Variants in DSE observed in about 807,000 individuals in gnomAD.
DSE encodes dermatan-sulfate epimerase.
In DSE, 36 loss-of-function variants were observed where a neutral mutation model predicts 84.4. The observed-to-expected ratio is 0.43, with a 90% CI of 0.33 to 0.56. The LOEUF (loss-of-function observed/expected upper bound fraction) is 0.56, where lower values mean the gene tolerates loss of function less well. DSE is among the 20% of genes least tolerant of loss of function. DSE has a pLI of 0.06. For synonymous variants in DSE, 410 were observed against 430.1 expected, an observed-to-expected ratio of 0.95 and a Z score of 0.58; for missense variants, 862 against 1,169.6, an observed-to-expected ratio of 0.74 and a Z score of 3.84.
intron 2 of DSE, among the ~76,000 whole-genome samples, chr6:116,407,296 T>C (rs894176597): frequency 6.6e-6 from 1 of 152,186 alleles, no homozygotes; most frequent in African/African-American, 2.4e-5. Flanking sequence ...ATATTGATAC[T>C]CAAATGAGAT....
At chr6:116,285,011 T>A (rs1773794712) in intron 2 of DSE, among the ~76,000 whole-genome samples, 1 of 152,106 alleles carries the variant, frequency 6.6e-6, no homozygotes, top group South Asian at 2.1e-4. Context: ...GCAGCATGAT[T>A]TATAATCCTT....
At chr6:116,318,576 C>T (rs1199375729) in intron 2 of DSE, among the ~76,000 whole-genome samples, 2 of 151,996 alleles carry the variant, frequency 1.3e-5, no homozygotes, top group Non-Finnish European at 2.9e-5. Flanking sequence ...TGGCTCTCAA[C>T]TAGTAAGTGG....
At chr6:116,320,172 A>G (rs1776217084) in intron 2 of DSE, among the ~76,000 whole-genome samples, 1 of 152,226 alleles carries the variant, frequency 6.6e-6, no homozygotes, top group Non-Finnish European at 1.5e-5. Flanking sequence ...CAGCTTTACC[A>G]GCAGAGCTGT....
upstream of DSE, chr6:116,370,833 T>C: frequency 1.0e-6 from 1 of 985,598 alleles, no homozygotes; most frequent in Non-Finnish European, 1.2e-6. Context: ...TCGTCTCCTC[T>C]GGCTCTGGTG....
intron 2 of DSE, among the ~76,000 whole-genome samples, chr6:116,306,876 A>G (rs961603051): frequency 3.9e-5 from 6 of 152,202 alleles, no homozygotes; most frequent in Non-Finnish European, 5.9e-5. Context: ...CAAGCCAGAA[A>G]GGGAGCCCTC....
Position 116,399,405 on chromosome 6 carries a change from A to C in DSE, c.155A>C (p.Glu52Ala). 6.2e-7 allele frequency: 1 copy of C among 1,614,226 alleles called. No homozygotes were observed. Among genetic ancestry groups the C allele is most frequent in the Non-Finnish European group, 8.5e-7 (1 of 1,180,050 alleles). Residue 52 changes from glutamate (E) to alanine (A), a missense_variant, in exon 2 of 6, where the codon GAA (glutamate) becomes GCA (alanine). By Grantham distance (107) the Glu-to-Ala change is moderately radical. Coordinates refer to ENST00000644252, the MANE Select transcript of DSE (RefSeq NM_013352.4). ...SHPMLYFSRA[E>A]VAELQLRAAS... ...CCCATGCTGTACTTCTCCAGGGCAGAAGTGGCGGAGCTGCAGCTCAGGGCT... is the reference window on the plus strand; with the variant it reads ...CCCATGCTGTACTTCTCCAGGGCAGCAGTGGCGGAGCTGCAGCTCAGGGCT...
At chr6:116,297,222 A>G (rs1048327381) in intron 2 of DSE, among the ~76,000 whole-genome samples, 16 of 152,096 alleles carry the variant, frequency 1.1e-4, no homozygotes, top group Non-Finnish European at 2.9e-5. Flanking sequence ...AGTCAACCCT[A>G]GGAGCCGTCC....
chr6:116,331,086 A>G (rs1327596995), intron 2 of DSE, among the ~76,000 whole-genome samples: 1 of 152,244 alleles, frequency 6.6e-6, no homozygotes, highest in African/African-American at 2.4e-5. Context: ...TATGATTAAA[A>G]TACATCTTTG....
chr6:116,405,121 C>G (rs185335162), intron 2 of DSE, among the ~76,000 whole-genome samples: 1 of 151,902 alleles, frequency 6.6e-6, no homozygotes, highest in Non-Finnish European at 1.5e-5. Context: ...AAAAAGGTCT[C>G]TAGCATATTG....
chr6:116,413,763 G>A (rs3798407), intron 2 of DSE, among the ~76,000 whole-genome samples: 1 of 151,946 alleles, frequency 6.6e-6, no homozygotes, highest in Admixed American at 6.6e-5. Context: ...TATATTAACC[G>A]TACTCTAAGA....
At chr6:116,341,194 G>C (rs1014704371) in intron 2 of DSE, among the ~76,000 whole-genome samples, 1 of 152,154 alleles carries the variant, frequency 6.6e-6, no homozygotes, top group Admixed American at 6.5e-5. Context: ...GACATGAGAT[G>C]GTATCTCATT....
intron 2 of DSE, among the ~76,000 whole-genome samples, chr6:116,274,226 C>A (rs1036540831): frequency 6.6e-6 from 1 of 152,030 alleles, no homozygotes; most frequent in Non-Finnish European, 1.5e-5. Context: ...TAAAATACGA[C>A]TGAAAATATT....
At chr6:116,350,930 T>C (rs977114742) in intron 2 of DSE, among the ~76,000 whole-genome samples, 15 of 151,786 alleles carry the variant, frequency 9.9e-5, no homozygotes, top group African/African-American at 3.4e-4. Flanking sequence ...AAAAAAGTCC[T>C]GAAAGTCCTT....
intron 2 of DSE, among the ~76,000 whole-genome samples, chr6:116,309,604 G>A (rs1775554264): frequency 6.6e-6 from 1 of 152,216 alleles, no homozygotes; most frequent in Admixed American, 6.5e-5. Context: ...CTGAGACTAG[G>A]TAATTTATAA....
At chr6:116,339,547 T>A (rs1027120822) in intron 2 of DSE, among the ~76,000 whole-genome samples, 13 of 152,214 alleles carry the variant, frequency 8.5e-5, no homozygotes, top group African/African-American at 3.1e-4. Context: ...CTGACTACTA[T>A]GTTTTGAATG....
At chr6:116,294,027 T>G (rs1774486940) in intron 2 of DSE, among the ~76,000 whole-genome samples, 1 of 152,000 alleles carries the variant, frequency 6.6e-6, no homozygotes, top group African/African-American at 2.4e-5. Flanking sequence ...ATTTATTATT[T>G]TATTTTCTAT....
intron 2 of DSE, among the ~76,000 whole-genome samples, chr6:116,304,575 A>T (rs1162954366): frequency 1.3e-5 from 2 of 152,248 alleles, no homozygotes; most frequent in Non-Finnish European, 2.9e-5. Flanking sequence ...GCCAAATGAG[A>T]TACCAAAATG....
At chr6:116,346,421 A>G (rs1476695375) in intron 2 of DSE, among the ~76,000 whole-genome samples, 3 of 152,234 alleles carry the variant, frequency 2.0e-5, no homozygotes, top group Non-Finnish European at 2.9e-5. Flanking sequence ...CTTATCCACC[A>G]TGATCAAATG....
chr6:116,373,184 C>A (rs188381263), intron 1 of DSE, among the ~76,000 whole-genome samples: 16 of 152,182 alleles, frequency 1.1e-4, no homozygotes, highest in Admixed American at 1.0e-3. Context: ...GAAACCCGGT[C>A]TCTACTAAAA....
Sources: allele counts gnomAD v4.1 joint callset (sites outside exome capture counted in the v4.1 genomes callset), GRCh38; gene constraint gnomAD v4.1.1; transcripts MANE v1.5; gene names NCBI Gene and HGNC (gene_info 2026-07-23, HGNC 2026-07-21).